MAP3K5: variants seen among roughly 807,000 people sequenced by gnomAD.
MAP3K5 encodes the protein ASK-1.
In MAP3K5, 56 loss-of-function variants were observed where a neutral mutation model predicts 158.7. The observed-to-expected ratio is 0.35, with a 90% CI of 0.28 to 0.44. The LOEUF (loss-of-function observed/expected upper bound fraction) is 0.44, where lower values mean the gene tolerates loss of function less well. Ranked by LOEUF, MAP3K5 falls within the 20% of genes least tolerant of loss-of-function variation. The pLI, the probability that MAP3K5 is intolerant of heterozygous loss-of-function variation, is 1.00. For missense variants in MAP3K5, 1,294 were observed against 1,674.8 expected, an observed-to-expected ratio of 0.77 and a Z score of 3.97; for synonymous variants, 579 against 601.7, an observed-to-expected ratio of 0.96 and a Z score of 0.55.
intron 15 of MAP3K5, among the ~76,000 whole-genome samples, chr6:136,616,262 G>A (rs1246249841): frequency 6.6e-6 from 1 of 151,350 alleles, no homozygotes; most frequent in Non-Finnish European, 1.5e-5. Flanking sequence ...TCTTCCATGA[G>A]GGTTAAAACA....
intron 10 of MAP3K5, among the ~76,000 whole-genome samples, chr6:136,652,366 T>C (rs1458124749): frequency 6.6e-6 from 1 of 152,154 alleles, no homozygotes; most frequent in Non-Finnish European, 1.5e-5. Context: ...AGATGGGCTA[T>C]GCAACAAATA....
chr6:136,685,297 G>A (rs923544237), intron 7 of MAP3K5, among the ~76,000 whole-genome samples: 3 of 152,108 alleles, frequency 2.0e-5, no homozygotes, highest in African/African-American at 7.2e-5. Flanking sequence ...GAGCCTGGAT[G>A]ACAGAGCAAG....
chr6:136,598,691 T>C (rs944606287), intron 21 of MAP3K5, among the ~76,000 whole-genome samples: 8 of 152,144 alleles, frequency 5.3e-5, no homozygotes, highest in Non-Finnish European at 1.2e-4. Context: ...AGTGCAGTTA[T>C]GGGAGGTAGA....
At chr6:136,716,025 C>A (rs543521523) in intron 2 of MAP3K5, among the ~76,000 whole-genome samples, 2 of 8,954 alleles carry the variant, frequency 2.2e-4, no homozygotes, top group South Asian at 6.8e-3. Flanking sequence ...GCAAGATCGT[C>A]TCAAAAAAAA....
intron 26 of MAP3K5, 137 bp downstream of exon 26, chr6:136,567,494 C>A (rs891047580): frequency 2.2e-6 from 2 of 923,480 alleles, no homozygotes; most frequent in African/African-American, 3.4e-5. Context: ...AACTAAACTT[C>A]TCTTGTTTTA....
Position 136,772,099 on chromosome 6 carries a change from G to T in MAP3K5, c.448+19611C>A, listed in dbSNP as rs1466080848. 5.4e-5 allele frequency among the ~76,000 whole-genome samples: 5 copies of T among 91,952 alleles called. No individual in the cohort carries two copies. The South Asian group carries it at 1.5e-3, about 27-fold the overall frequency. The allele number at this position is 91,952 out of a possible 152,430, so 60.3% of individuals were successfully genotyped here. A position where few individuals can be genotyped will look rare whatever the true frequency, so the allele number is the denominator to read the frequency against. Reference sequence around the variant, plus strand: ...AATTTTTGTATTTTTTAGTAGAAATGGGGGGGGGGGGTTTACCATGTTGGC... The same window carrying T: ...AATTTTTGTATTTTTTAGTAGAAATTGGGGGGGGGGGTTTACCATGTTGGC... On this transcript the variant is annotated intron_variant, in intron 1 of 29. Transcript: ENST00000359015.
intron 1 of MAP3K5, among the ~76,000 whole-genome samples, chr6:136,763,718 T>G (rs1783848819): frequency 6.6e-6 from 1 of 152,184 alleles, no homozygotes. Context: ...TTTGAACAGT[T>G]GTCCCCTCCA....
chr6:136,629,854 C>T (rs981236226), intron 14 of MAP3K5, among the ~76,000 whole-genome samples: 2 of 152,020 alleles, frequency 1.3e-5, no homozygotes, highest in Non-Finnish European at 1.5e-5. Context: ...TAGGTTCAAG[C>T]GATTCTCCTG....
intron 2 of MAP3K5, among the ~76,000 whole-genome samples, chr6:136,708,905 C>T (rs988482264): frequency 6.6e-6 from 1 of 152,160 alleles, no homozygotes; most frequent in South Asian, 2.1e-4. Flanking sequence ...ATATCCTTCT[C>T]TCTTCCCCTC....
intron 1 of MAP3K5, among the ~76,000 whole-genome samples, chr6:136,732,610 C>T (rs545585323): frequency 1.9e-4 from 29 of 152,322 alleles, no homozygotes; most frequent in African/African-American, 7.0e-4. Flanking sequence ...AGCTGAAACA[C>T]GCCTGAGTGA....
intron 28 of MAP3K5, among the ~76,000 whole-genome samples, chr6:136,559,376 AC>A (rs1830404673): frequency 4.8e-5 from 6 of 124,076 alleles, no homozygotes; most frequent in Admixed American, 4.6e-4. Flanking sequence ...AAAAACAAAA[AC>A]AAAAACAAAA....
intron 3 of MAP3K5, among the ~76,000 whole-genome samples, chr6:136,699,919 C>T (rs1484723066): frequency 6.6e-6 from 1 of 152,088 alleles, no homozygotes. Flanking sequence ...TATGGTGAAA[C>T]CCCGTCTCTA....
At chr6:136,753,802 G>A (rs761888756) in intron 1 of MAP3K5, among the ~76,000 whole-genome samples, 20 of 152,202 alleles carry the variant, frequency 1.3e-4, no homozygotes, top group Non-Finnish European at 1.9e-4. Flanking sequence ...GACAGGCAAA[G>A]AGGATGCACT....
In MAP3K5 at chr6:136,686,819, G is replaced by C. The variant is rs944733857; in HGVS notation, c.1253+7321C>G. Among the ~76,000 whole-genome samples the C allele has an allele frequency of 2.6e-5, 4 of 152,016 alleles. No individual in the cohort carries two copies. The East Asian group carries it at 7.7e-4, about 29-fold the overall frequency. ...ACATTCCATGCTCATGGATAGGAAG[G>C]ATCAATATCATGAAAATGGCCATAC... is the stretch of plus-strand genomic sequence containing the variant. On this transcript the variant is annotated intron_variant, in intron 7 of 29. Coordinates refer to ENST00000359015, the MANE Select transcript of MAP3K5 (RefSeq NM_005923.4).
chr6:136,761,145 G>A (rs1389541185), intron 1 of MAP3K5, among the ~76,000 whole-genome samples: 7 of 152,134 alleles, frequency 4.6e-5, no homozygotes, highest in Admixed American at 3.9e-4. Context: ...CCACAACTGT[G>A]AGAAAATACA....
intron 1 of MAP3K5, among the ~76,000 whole-genome samples, chr6:136,736,047 A>G (rs975949142): frequency 3.3e-5 from 5 of 152,260 alleles, no homozygotes; most frequent in African/African-American, 9.6e-5. Context: ...ACTAAATTAA[A>G]TGAAATCCAG....
At chr6:136,761,580 G>A (rs1783761029) in intron 1 of MAP3K5, among the ~76,000 whole-genome samples, 1 of 152,144 alleles carries the variant, frequency 6.6e-6, no homozygotes, top group Admixed American at 6.5e-5. Context: ...AGCACAGAAG[G>A]ACAGATGTGC....
chr6:136,737,037 G>GTATATATATATATATATATA (rs56011325), intron 1 of MAP3K5, among the ~76,000 whole-genome samples: 78 of 126,930 alleles, frequency 6.1e-4, no homozygotes, highest in African/African-American at 2.7e-3. Flanking sequence ...ATATGTGTGT[G>GTATATATATATATATATATA]TATATATATA....
Position 136,639,531 on chromosome 6 carries a change from A to AC in MAP3K5, c.1934+11dup. ...AGAAGAATCTTTTTCACACACAATGACTAATACGTACTTTTTACAATGAAG... is the reference window on the plus strand; with the variant it reads ...AGAAGAATCTTTTTCACACACAATGACCTAATACGTACTTTTTACAATGAAG... On this transcript the variant is annotated intron_variant, in intron 13 of 29. Coordinates refer to ENST00000359015, the MANE Select transcript of MAP3K5 (RefSeq NM_005923.4). 1 of 1,440,158 alleles carries AC rather than the reference A, an allele frequency of 6.9e-7. No homozygotes were observed. The highest frequency in any genetic ancestry group is 9.6e-7 in the Non-Finnish European group (1 of 1,036,726). The allele number at this position is 1,440,158 out of a possible 1,614,324, so 89.2% of individuals were successfully genotyped here.
Sources: allele counts gnomAD v4.1 joint callset (sites outside exome capture counted in the v4.1 genomes callset), GRCh38; gene constraint gnomAD v4.1.1; transcripts MANE v1.5; gene names NCBI Gene and HGNC (gene_info 2026-07-23, HGNC 2026-07-21).